Variants in UBE2E2 observed in about 807,000 individuals in gnomAD.
UBE2E2 encodes ubiquitin-conjugating enzyme E2 E2.
UBE2E2 carries 6 observed loss-of-function variants against 24.7 expected under a neutral mutation model. The ratio of observed to expected loss-of-function variants is 0.24; its 90% CI spans 0.13 to 0.48. The LOEUF (loss-of-function observed/expected upper bound fraction) is 0.48. Ranked by LOEUF, UBE2E2 falls within the 20% of genes least tolerant of loss-of-function variation. The probability of loss-of-function intolerance (pLI) is 0.99; values close to 1 mark genes in which losing one functional copy is unlikely to be tolerated. For synonymous variants in UBE2E2, 104 were observed against 83.6 expected (o/e 1.24, Z -1.33); for missense variants, 169 against 245.0 (o/e 0.69, Z 2.07).
intron 3 of UBE2E2, among the ~76,000 whole-genome samples, chr3:23,265,030 A>G (rs1216679328): frequency 1.3e-5 from 2 of 152,170 alleles, no homozygotes; most frequent in Non-Finnish European, 2.9e-5. Flanking sequence ...TGTGAGTGCA[A>G]GGTGAGAAAG....
chr3:23,547,887 C>G (rs1344787657), intron 5 of UBE2E2, among the ~76,000 whole-genome samples: 1 of 152,186 alleles, frequency 6.6e-6, no homozygotes, highest in African/African-American at 2.4e-5. Flanking sequence ...ATCACATTGA[C>G]TTTTAAAAAA....
At chr3:23,432,060 A>C (rs1698074010) in intron 3 of UBE2E2, among the ~76,000 whole-genome samples, 1 of 152,202 alleles carries the variant, frequency 6.6e-6, no homozygotes, top group Non-Finnish European at 1.5e-5. Context: ...TTCAGTACAG[A>C]AAATTTGGAT....
chr3:23,377,936 A>T (rs780658617), intron 3 of UBE2E2, among the ~76,000 whole-genome samples: 8 of 152,142 alleles, frequency 5.3e-5, no homozygotes, highest in Non-Finnish European at 1.0e-4. Flanking sequence ...TCTTCCTAAA[A>T]ATGACTAGAT....
rs182621822 is a variant in UBE2E2, at chr3:23,549,469, A to T, written c.508+16768A>T. ...AATTAAGTCAAAGGACCTAAGTTAT[A>T]CTGAGTTTTGAAGCTGTCAAGAAAG... On this transcript the variant is annotated intron_variant, in intron 5 of 5. Transcript: ENST00000396703. 1.3e-4 allele frequency among the ~76,000 whole-genome samples: 20 copies of T among 152,308 alleles called. No individual in the cohort carries two copies. The East Asian group carries it at 3.5e-3, about 26-fold the overall frequency.
intron 5 of UBE2E2, among the ~76,000 whole-genome samples, chr3:23,533,619 ATTTTTTTTT>A (rs759984741): frequency 3.7e-5 from 4 of 108,522 alleles, no homozygotes; most frequent in African/African-American, 1.1e-4. Context: ...GCAAATTAGT[ATTTTTTTTT>A]TTTTTTTTTT....
chr3:23,489,928 C>G (rs1387768845), intron 3 of UBE2E2, among the ~76,000 whole-genome samples: 1 of 152,134 alleles, frequency 6.6e-6, no homozygotes, highest in African/African-American at 2.4e-5. Flanking sequence ...TCCCCTTCCC[C>G]CCATATGCAT....
chr3:23,335,196 A>G (rs1695167667), intron 3 of UBE2E2, among the ~76,000 whole-genome samples: 1 of 152,192 alleles, frequency 6.6e-6, no homozygotes, highest in African/African-American at 2.4e-5. Flanking sequence ...TAGAAGAGAA[A>G]GGAATATTAC....
intron 3 of UBE2E2, among the ~76,000 whole-genome samples, chr3:23,363,637 A>T (rs1696183006): frequency 6.6e-6 from 1 of 152,246 alleles, no homozygotes; most frequent in Admixed American, 6.5e-5. Flanking sequence ...TGGAGCACCC[A>T]GACTCATAAA....
chr3:23,462,356 A>G (rs539177380), intron 3 of UBE2E2, among the ~76,000 whole-genome samples: 1 of 152,328 alleles, frequency 6.6e-6, no homozygotes, highest in East Asian at 1.9e-4. Context: ...AATTCTCATT[A>G]TGTGGTAACG....
At chr3:23,536,047 A>G (rs907859084) in intron 5 of UBE2E2, among the ~76,000 whole-genome samples, 1 of 152,170 alleles carries the variant, frequency 6.6e-6, no homozygotes, top group Non-Finnish European at 1.5e-5. Context: ...GTGCTTTCTT[A>G]TTTGTAAGTA....
intron 5 of UBE2E2, among the ~76,000 whole-genome samples, chr3:23,557,226 C>T (rs1273923573): frequency 6.6e-6 from 1 of 152,198 alleles, no homozygotes; most frequent in Non-Finnish European, 1.5e-5. Context: ...GCACCTCCTA[C>T]AACCATGCAG....
chr3:23,497,410 G>T (rs1221327370), intron 3 of UBE2E2, among the ~76,000 whole-genome samples: 1 of 152,184 alleles, frequency 6.6e-6, no homozygotes, highest in Non-Finnish European at 1.5e-5. Context: ...GGCATTTTAG[G>T]CATTTTAAGC....
At chr3:23,482,365 G>C (rs902758471) in intron 3 of UBE2E2, among the ~76,000 whole-genome samples, 5 of 151,974 alleles carry the variant, frequency 3.3e-5, no homozygotes, top group Non-Finnish European at 7.4e-5. Flanking sequence ...CTTCTGTTTG[G>C]TTGCTTATCA....
In UBE2E2 at chr3:23,576,879, C is replaced by T. The variant is rs189258756; in HGVS notation, c.509-12855C>T. Reference sequence around the variant, plus strand: ...GCTAAAAGGCAGTACTGGCACACCTCGTTTGACAGTGCTTTTGTGTTTCAC... The same window carrying T: ...GCTAAAAGGCAGTACTGGCACACCTTGTTTGACAGTGCTTTTGTGTTTCAC... On this transcript the variant is annotated intron_variant, in intron 5 of 5. Coordinates refer to ENST00000396703, the MANE Select transcript of UBE2E2 (RefSeq NM_152653.4). Among the ~76,000 whole-genome samples the T allele has an allele frequency of 1.3e-4, 20 of 151,488 alleles. No homozygotes were observed. The East Asian group carries it at 3.9e-3, about 29-fold the overall frequency.
chr3:23,477,444 A>C (rs1370897701), intron 3 of UBE2E2, among the ~76,000 whole-genome samples: 1 of 152,214 alleles, frequency 6.6e-6, no homozygotes, highest in Non-Finnish European at 1.5e-5. Context: ...TCTCACAATC[A>C]GTATATTACA....
chr3:23,353,091 A>C (rs1387107538), intron 3 of UBE2E2, among the ~76,000 whole-genome samples: 1 of 152,254 alleles, frequency 6.6e-6, no homozygotes, highest in East Asian at 1.9e-4. Flanking sequence ...TATGCAAATC[A>C]ATAAATGTAC....
rs1301140762 is a variant in UBE2E2 at position 23,243,330 on chromosome 3, CT to C, written c.227+26022del. ...TGAGGTAGCAGGTCTCATGCTTCATCTTTTATGCTCCCAGCAGTTCTGTAAT... is the reference window on the plus strand; with the variant it reads ...TGAGGTAGCAGGTCTCATGCTTCATCTTTATGCTCCCAGCAGTTCTGTAAT... On this transcript the variant is annotated intron_variant, in intron 3 of 5. Transcript: ENST00000396703. 3.9e-5 allele frequency among the ~76,000 whole-genome samples: 6 copies of C among 152,276 alleles called. No individual in the cohort carries two copies. The East Asian group carries it at 1.2e-3, about 29-fold the overall frequency.
chr3:23,389,091 C>T (rs926096633), intron 3 of UBE2E2, among the ~76,000 whole-genome samples: 5 of 152,180 alleles, frequency 3.3e-5, no homozygotes, highest in Non-Finnish European at 5.9e-5. Flanking sequence ...ACTTGCCTAC[C>T]CTGGTCCCAC....
At chr3:23,289,437 C>T (rs1698702608) in intron 3 of UBE2E2, among the ~76,000 whole-genome samples, 1 of 152,140 alleles carries the variant, frequency 6.6e-6, no homozygotes, top group Admixed American at 6.5e-5. Context: ...GCAGACATAC[C>T]TTATAATGTA....
Sources: allele counts gnomAD v4.1 joint callset (sites outside exome capture counted in the v4.1 genomes callset), GRCh38; gene constraint gnomAD v4.1.1; transcripts MANE v1.5; gene names NCBI Gene and HGNC (gene_info 2026-07-23, HGNC 2026-07-21).